The following ADAM17 variants were observed in gnomAD, a reference collection of about 807,000 sequenced individuals.
ADAM17 encodes ADAM metallopeptidase domain 17.
Under a neutral mutation model 96.7 loss-of-function variants are expected in ADAM17, and 39 were observed. The ratio of observed to expected loss-of-function variants is 0.40; its 90% CI spans 0.31 to 0.53. The LOEUF is 0.53. Ranked by LOEUF, ADAM17 falls within the 20% of genes least tolerant of loss-of-function variation. The pLI is 0.44. For synonymous variants in ADAM17, 344 were observed against 359.2 expected (o/e 0.96, Z 0.48); for missense variants, 777 against 1,013.2 (o/e 0.77, Z 3.17).
chr2:9,494,809 ACCTGCCTCTCCT>A (rs1336259624), intron 14 of ADAM17, 42 bp from the exon 15 acceptor site: 4 of 1,603,460 alleles, frequency 2.5e-6, no homozygotes, highest in East Asian at 2.2e-5. Context: ...TTGTTCTGAG[ACCTGCCTCTCCT>A]CCTGCCTCCT....
intron 13 of ADAM17, among the ~76,000 whole-genome samples, chr2:9,499,601 A>C (rs1662879516): frequency 6.6e-6 from 1 of 151,924 alleles, no homozygotes; most frequent in Non-Finnish European, 1.5e-5. Flanking sequence ...ACAGGGTTTC[A>C]CCGTGTTAGC....
At chr2:9,553,890 C>T (rs1296743222) in intron 1 of ADAM17, among the ~76,000 whole-genome samples, 1 of 151,334 alleles carries the variant, frequency 6.6e-6, no homozygotes, top group Non-Finnish European at 1.5e-5. Flanking sequence ...GGTGAAACCC[C>T]GTCTCTACTA....
intron 1 of ADAM17, 30 bp downstream of exon 1, chr2:9,555,479 C>T (rs1435394497): frequency 7.8e-6 from 12 of 1,529,666 alleles, no homozygotes; most frequent in South Asian, 1.2e-5. Flanking sequence ...CTCCAGGCGC[C>T]GGCCTAAGCC....
Position 9,502,174 on chromosome 2 carries a change from T to C in ADAM17, c.1647A>G (p.Thr549=). Residue 549 remains threonine (T), a splice_region_variant and synonymous_variant, in exon 13 of 19, where the codon ACA becomes ACG. Transcript: ENST00000310823. The stretch of plus-strand genomic sequence containing the variant: ...CAAGGAAGCAACAAGAACACGAACC[T>C]GTGCAGTAGGACACGCCTTTGCAAG... ...NATCKGVSYC[T]GNSSECPPPG... is the part of the protein sequence containing the mutation. The C allele has an allele frequency of 6.2e-7, 1 of 1,613,440 alleles. No individual in the cohort carries two copies. The highest frequency in any genetic ancestry group is 2.2e-5 in the East Asian group (1 of 44,872).
intron 8 of ADAM17, among the ~76,000 whole-genome samples, chr2:9,519,740 C>A (rs1664232322): frequency 6.6e-6 from 1 of 151,818 alleles, no homozygotes; most frequent in Admixed American, 6.6e-5. Flanking sequence ...AGGGAAGGAC[C>A]ATGTGAGAAC....
At chr2:9,493,966 TC>T in intron 15 of ADAM17, 141 bp from the exon 16 acceptor site, 1 of 632,504 alleles carries the variant, frequency 1.6e-6, no homozygotes, top group Non-Finnish European at 2.7e-6. Flanking sequence ...GGCAATAACT[TC>T]CGCGTAATGA....
At chr2:9,505,123 T>G (rs1458859559) in intron 12 of ADAM17, 43 bp downstream of exon 12, 1 of 1,603,352 alleles carries the variant, frequency 6.2e-7, no homozygotes, top group Non-Finnish European at 8.5e-7. Context: ...TTGGACATCT[T>G]GTTATACCAA....
intron 10 of ADAM17, among the ~76,000 whole-genome samples, chr2:9,514,674 C>T (rs6432013): frequency 2.0e-5 from 3 of 148,836 alleles, no homozygotes; most frequent in Non-Finnish European, 4.5e-5. Flanking sequence ...GAGATTGAGA[C>T]CATCCTGGCT....
At chr2:9,524,415 G>A (rs192560288) in intron 6 of ADAM17, among the ~76,000 whole-genome samples, 38 of 152,126 alleles carry the variant, frequency 2.5e-4, no homozygotes, top group South Asian at 8.3e-4. Flanking sequence ...GCTTTGGCCC[G>A]GGCAATAGAG....
rs369182636 is a variant in ADAM17 at position 9,548,977 on chromosome 2, T to C, written c.98-5692A>G. On this transcript the variant is annotated intron_variant, in intron 1 of 18. Transcript: ENST00000310823. ...GTTTTGTCTCTGGGATAAGCTTTTA[T>C]GGCCATTCACTTTAATGCATTGACA... 9.4e-4 allele frequency among the ~76,000 whole-genome samples: 143 copies of C among 152,370 alleles called. 1 individual carries two copies. In the South Asian group the frequency reaches 0.01, roughly 11 times the overall value.
At chr2:9,516,910 T>G (rs1484215075) in intron 10 of ADAM17, among the ~76,000 whole-genome samples, 1 of 152,166 alleles carries the variant, frequency 6.6e-6, no homozygotes, top group East Asian at 1.9e-4. Context: ...CACATTCCGT[T>G]GAGGCTAAGG....
intron 2 of ADAM17, among the ~76,000 whole-genome samples, chr2:9,537,948 GGGAGGGGGAAGA>G (rs1665043441): frequency 6.1e-5 from 2 of 32,980 alleles, no homozygotes; most frequent in African/African-American, 1.3e-4. Flanking sequence ...AGAGGGGAAG[GGGAGGGGGAAGA>G]GAGGGGAAGG....
chr2:9,551,319 T>C (rs1415760444), intron 1 of ADAM17, among the ~76,000 whole-genome samples: 2 of 152,110 alleles, frequency 1.3e-5, no homozygotes, highest in Non-Finnish European at 2.9e-5. Flanking sequence ...GAGATACAGA[T>C]TGAGCATCCC....
intron 11 of ADAM17, 87 bp from the exon 12 acceptor site, chr2:9,505,452 C>T (rs1663332548): frequency 7.2e-7 from 1 of 1,380,494 alleles, no homozygotes; most frequent in Non-Finnish European, 1.0e-6. Flanking sequence ...TAGAGACAAA[C>T]TCTTAATGTA....
At chr2:9,524,496 G>A (rs142666566) in intron 6 of ADAM17, among the ~76,000 whole-genome samples, 36 of 151,908 alleles carry the variant, frequency 2.4e-4, no homozygotes, top group African/African-American at 8.0e-4. Flanking sequence ...AAAAAGTCAC[G>A]TGAGGATTTT....
intron 2 of ADAM17, among the ~76,000 whole-genome samples, chr2:9,537,200 T>C (rs1437452133): frequency 6.6e-6 from 1 of 152,210 alleles, no homozygotes; most frequent in African/African-American, 2.4e-5. Flanking sequence ...ATACCATTTA[T>C]TGAACACCTA....
Position 9,490,200 on chromosome 2 carries a change from CA to C in ADAM17, c.2451del (p.Asp818ThrfsTer36). The C allele has an allele frequency of 6.3e-7, 1 of 1,597,188 alleles. No individual in the cohort carries two copies. The highest frequency in any genetic ancestry group is 8.6e-7 in the Non-Finnish European group (1 of 1,165,648). On this transcript the variant is annotated frameshift_variant, in exon 19 of 19. Transcript: ENST00000310823. LOFTEE classifies it high-confidence loss of function. Reference sequence around the variant, plus strand: ...AATTAGCACTCTGTTTCTTTGCTGTCAACACGATTCTGACGCTGCAGTTTAA... The same window carrying C: ...AATTAGCACTCTGTTTCTTTGCTGTCACACGATTCTGACGCTGCAGTTTAA... ...ASFKLQRQNRVDSKETEC is the reference protein window; with the variant it reads ...ASFKLQRQNRXDSKETEC
At chr2:9,524,942 T>G (rs749977077) in intron 6 of ADAM17, among the ~76,000 whole-genome samples, 20 of 152,196 alleles carry the variant, frequency 1.3e-4, no homozygotes, top group Non-Finnish European at 2.5e-4. Context: ...AAGTTATGCC[T>G]AAGAAGTTGT....
At chr2:9,499,653 C>A (rs1031584214) in intron 13 of ADAM17, among the ~76,000 whole-genome samples, 5 of 152,102 alleles carry the variant, frequency 3.3e-5, no homozygotes, top group Non-Finnish European at 2.9e-5. Flanking sequence ...CTGCCCACCT[C>A]GGCCTCCCAA....
Sources: gnomAD v4.1 joint callset for allele counts (sites outside exome capture counted in the v4.1 genomes callset) on GRCh38, gnomAD v4.1.1 for gene constraint, MANE v1.5 for transcripts, NCBI Gene and HGNC (gene_info 2026-07-23, HGNC 2026-07-21) for gene names.